SEPTIN9: variants seen among roughly 807,000 people sequenced by gnomAD.
The protein encoded by SEPTIN9 is septin 9, also known as septin-9.
SEPTIN9 carries 13 observed loss-of-function variants against 56.6 expected under a neutral mutation model. That is an observed-to-expected ratio of 0.23 (90% CI 0.15 to 0.37). SEPTIN9 has a LOEUF of 0.37. SEPTIN9 is among the 10% of genes least tolerant of loss of function. The pLI, the probability that SEPTIN9 is intolerant of heterozygous loss-of-function variation, is 1.00. For missense variants in SEPTIN9, 650 were observed against 823.1 expected (o/e 0.79, Z 2.57); for synonymous variants, 332 against 334.1 (o/e 0.99, Z 0.07).
intron 6 of SEPTIN9, 143 bp from the exon 7 acceptor site, chr17:77,488,584 G>T (rs1162544623): frequency 8.4e-7 from 1 of 1,193,116 alleles, no homozygotes; most frequent in Non-Finnish European, 1.2e-6. Context: ...TAAGGCTGTG[G>T]CATCTCCGCT....
intron 1 of SEPTIN9, among the ~76,000 whole-genome samples, chr17:77,283,160 C>CA (rs2031112058): frequency 7.6e-6 from 1 of 132,358 alleles, no homozygotes. Context: ...CACTGGGTTT[C>CA]TTTTTTTTTT....
At position 77,371,073 on chromosome 17, in the gene SEPTIN9, G is replaced by A. The variant is rs569547014; in HGVS notation, c.77-30986G>A. ...ACAATTAGAGCAGTTGGTTAGATAC[G>A]AGGGTGAACTTCCTGGCTGGGAGTA... On this transcript the variant is annotated intron_variant, in intron 2 of 11. Coordinates refer to ENST00000427177, the MANE Select transcript of SEPTIN9 (RefSeq NM_001113491.2). The surrounding 1 kb of genome is among the most constrained non-coding windows in gnomAD (Gnocchi z 4.1). Among the ~76,000 whole-genome samples the A allele has an allele frequency of 5.9e-5, 9 of 152,310 alleles. No homozygotes were observed. The South Asian group carries it at 1.0e-3, about 18-fold the overall frequency.
chr17:77,444,175 A>G (rs1051066504), intron 3 of SEPTIN9, among the ~76,000 whole-genome samples: 13 of 152,164 alleles, frequency 8.5e-5, no homozygotes, highest in African/African-American at 3.1e-4. Flanking sequence ...CAGGCTTGAA[A>G]ATGAGTTGGC....
intron 2 of SEPTIN9, among the ~76,000 whole-genome samples, chr17:77,354,850 G>T (rs565922586): frequency 6.6e-6 from 1 of 152,164 alleles, no homozygotes; most frequent in East Asian, 1.9e-4. Flanking sequence ...CCGGTGCTGG[G>T]CGCTTGCTCT....
intron 3 of SEPTIN9, among the ~76,000 whole-genome samples, chr17:77,440,257 C>A (rs372383262): frequency 3.7e-4 from 56 of 152,198 alleles, no homozygotes; most frequent in African/African-American, 1.3e-3. Context: ...CGGGTTCAAG[C>A]GAGTCTCCTG....
In SEPTIN9 at chr17:77,317,807, C is replaced by T. The variant is rs1020826130; in HGVS notation, c.76+10610C>T. On this transcript the variant is annotated intron_variant, in intron 2 of 11. Coordinates refer to ENST00000427177, the MANE Select transcript of SEPTIN9 (RefSeq NM_001113491.2). This position sits in a 1 kb window ranked among gnomAD's most constrained non-coding sequence, Gnocchi z 4.2. ...GTGGCTTATGCCTGTAATCCCAGCACTTTGGGAGGCCAAGGCTGGCGGATC... is the reference window on the plus strand; with the variant it reads ...GTGGCTTATGCCTGTAATCCCAGCATTTTGGGAGGCCAAGGCTGGCGGATC... Among the ~76,000 whole-genome samples the T allele has an allele frequency of 1.3e-5, 2 of 152,186 alleles. No individual in the cohort carries two copies. The highest frequency in any genetic ancestry group is 1.9e-4 in the East Asian group (1 of 5,190).
rs1054023927 is a variant in SEPTIN9 at position 77,288,121 on chromosome 17, T to C, written c.19+6567T>C. On this transcript the variant is annotated intron_variant, in intron 1 of 11. Transcript: ENST00000427177. ...AGCGCTGGACTCTCTCGCTGACTCC[T>C]ACCCCACCCCGGCCTGGGGTTTCAG... 7.5e-6 allele frequency: 8 copies of C among 1,062,908 alleles called. No homozygotes were observed. In the African/African-American group the frequency reaches 1.3e-4, roughly 17 times the overall value. The allele number at this position is 1,062,908 out of a possible 1,614,324, so 65.8% of individuals were successfully genotyped here. A position where few individuals can be genotyped will look rare whatever the true frequency, so the allele number is the denominator to read the frequency against.
chr17:77,400,053 TGCA>T lies in SEPTIN9; in HGVS notation c.77-2005_77-2003del, dbSNP rs1194553897. 1.3e-5 allele frequency among the ~76,000 whole-genome samples: 2 copies of T among 152,198 alleles called. No homozygotes were observed. The highest frequency in any genetic ancestry group is 4.8e-5 in the African/African-American group (2 of 41,442). On this transcript the variant is annotated intron_variant, in intron 2 of 11. Transcript: ENST00000427177. This position sits in a 1 kb window ranked among gnomAD's most constrained non-coding sequence, Gnocchi z 4.1. ...GAGTGCAGTGACACGATCTCAGCTCTGCAACCTCTGCCTCCCGGGTTCAAGCGA... is the reference window on the plus strand; with the variant it reads ...GAGTGCAGTGACACGATCTCAGCTCTACCTCTGCCTCCCGGGTTCAAGCGA...
Position 77,319,980 on chromosome 17 carries a change from A to G in SEPTIN9, c.76+12783A>G. On this transcript the variant is annotated intron_variant, in intron 2 of 11. Coordinates refer to ENST00000427177, the MANE Select transcript of SEPTIN9 (RefSeq NM_001113491.2). The surrounding 1 kb of genome is among the most constrained non-coding windows in gnomAD (Gnocchi z 5.3). ...GCGGCCGGGACTCTGGGACTCTCGC[A>G]GGCAGACCCGGTGGTCTGCCGGACT... The G allele has an allele frequency of 8.2e-7, 1 of 1,219,658 alleles. No homozygotes were observed. The highest frequency in any genetic ancestry group is 1.0e-6 in the Non-Finnish European group (1 of 973,394). 75.6% of individuals were successfully genotyped at this position (1,219,658 alleles called of 1,614,324 possible).
chr17:77,487,576 G>C lies in SEPTIN9; in HGVS notation c.1042+24G>C. ...CGGTCAGTGGCCGGGAGTGGGCTGG[G>C]GGTGCAGGACGCCCCTGCCTTCCTG... On this transcript the variant is annotated intron_variant, in intron 5 of 11. Transcript: ENST00000427177. This position sits in a 1 kb window ranked among gnomAD's most constrained non-coding sequence, Gnocchi z 4.3. 1 of 1,611,232 alleles carries C rather than the reference G, an allele frequency of 6.2e-7. No homozygotes were observed. The highest frequency in any genetic ancestry group is 1.1e-5 in the South Asian group (1 of 90,812).
Position 77,475,139 on chromosome 17 carries a change from C to T in SEPTIN9, c.722-7005C>T. 8.6e-6 allele frequency: 8 copies of T among 928,346 alleles called. No homozygotes were observed. Among genetic ancestry groups the T allele is most frequent in the Non-Finnish European group, 1.1e-5 (8 of 737,506 alleles). 57.5% of individuals were successfully genotyped at this position (928,346 alleles called of 1,614,324 possible). A position where few individuals can be genotyped will look rare whatever the true frequency, so the allele number is the denominator to read the frequency against. On this transcript the variant is annotated intron_variant, in intron 3 of 11. Transcript: ENST00000427177. The surrounding 1 kb of genome is among the most constrained non-coding windows in gnomAD (Gnocchi z 4.6). ...GGCTTGCCGTGAGCCCTACGCTGCT[C>T]TGAAGAAAGCCGGGCTGGGGTGAGC... is the stretch of plus-strand genomic sequence containing the variant.
chr17:77,310,352 C>T lies in SEPTIN9; in HGVS notation c.76+3155C>T, dbSNP rs974049965. 3.3e-5 allele frequency among the ~76,000 whole-genome samples: 5 copies of T among 152,180 alleles called. No homozygotes were observed. The highest frequency in any genetic ancestry group is 4.8e-5 in the African/African-American group (2 of 41,430). ...CCTAGGTCTGTCTCCTCTTGAATGCCGTCATCAGCATCACATCCTTGGTGC... is the reference window on the plus strand; with the variant it reads ...CCTAGGTCTGTCTCCTCTTGAATGCTGTCATCAGCATCACATCCTTGGTGC... On this transcript the variant is annotated intron_variant, in intron 2 of 11. Transcript: ENST00000427177. The surrounding 1 kb of genome is among the most constrained non-coding windows in gnomAD (Gnocchi z 4.7).
At chr17:77,374,182 GGC>G (rs2034829695) in intron 2 of SEPTIN9, 2 of 152,568 alleles carry the variant, frequency 1.3e-5, no homozygotes, top group Non-Finnish European at 2.9e-5. Context: ...CCCCCATCCA[GGC>G]CTGGGGATAT....
chr17:77,427,777 TCAG>T (rs2036968209), intron 3 of SEPTIN9, among the ~76,000 whole-genome samples: 1 of 152,082 alleles, frequency 6.6e-6, no homozygotes, highest in Non-Finnish European at 1.5e-5. Context: ...ATAGGGGCAG[TCAG>T]GCTGGAACAG....
Position 77,482,351 on chromosome 17 carries a change from G to T in SEPTIN9, c.913+16G>T, listed in dbSNP as rs372768386. Reference sequence around the variant, plus strand: ...ATGGTGGTCGGTGAGTCCTCACCTTGCATGCCACTCAACCAATGCCGGAAA... The same window carrying T: ...ATGGTGGTCGGTGAGTCCTCACCTTTCATGCCACTCAACCAATGCCGGAAA... On this transcript the variant is annotated intron_variant, in intron 4 of 11. Coordinates refer to ENST00000427177, the MANE Select transcript of SEPTIN9 (RefSeq NM_001113491.2). 6 of 1,609,204 alleles carry T rather than the reference G, an allele frequency of 3.7e-6. No homozygotes were observed. Among genetic ancestry groups the T allele is most frequent in the South Asian group, 3.3e-5 (3 of 91,044 alleles).
Position 77,435,348 on chromosome 17 carries a change from G to T in SEPTIN9, c.721+32645G>T, listed in dbSNP as rs201030053. On this transcript the variant is annotated intron_variant, in intron 3 of 11. Coordinates refer to ENST00000427177, the MANE Select transcript of SEPTIN9 (RefSeq NM_001113491.2). This position sits in a 1 kb window ranked among gnomAD's most constrained non-coding sequence, Gnocchi z 4.5. ...CACGGCAGGTTAGTGGCAGAGCTGA[G>T]CAGTGTCTCCCATGCCCTGATTCTG... Among the ~76,000 whole-genome samples, 342 of 152,296 alleles carry T rather than the reference G, an allele frequency of 2.2e-3. 8 individuals are homozygous for T. In the South Asian group the frequency reaches 0.055, roughly 25 times the overall value.
chr17:77,283,894 A>G (rs1250085641), intron 1 of SEPTIN9, among the ~76,000 whole-genome samples: 3 of 152,176 alleles, frequency 2.0e-5, no homozygotes, highest in East Asian at 1.9e-4. Flanking sequence ...GAGAACTTAC[A>G]TTCTCACCGG....
intron 2 of SEPTIN9, among the ~76,000 whole-genome samples, chr17:77,398,359 C>T (rs548127105): frequency 1.4e-4 from 22 of 152,316 alleles, no homozygotes; most frequent in South Asian, 1.2e-3. Context: ...CCCGGGGAGC[C>T]GGAACACACC....
intron 3 of SEPTIN9, among the ~76,000 whole-genome samples, chr17:77,409,881 G>C (rs1394235063): frequency 6.6e-6 from 1 of 152,246 alleles, no homozygotes; most frequent in African/African-American, 2.4e-5. Flanking sequence ...CAAAGTGTGG[G>C]CAGCCCCTAA....
Sources: gnomAD v4.1 joint callset for allele counts (sites outside exome capture counted in the v4.1 genomes callset) on GRCh38, gnomAD v4.1.1 for gene constraint, Gnocchi (gnomAD v3.1) non-coding constraint, MANE v1.5 for transcripts, NCBI Gene and HGNC (gene_info 2026-07-23, HGNC 2026-07-21) for gene names.